The following HACE1 variants were observed in gnomAD, a reference collection of about 807,000 sequenced individuals.
The protein encoded by HACE1 is HECT domain and ankyrin repeat containing E3 ubiquitin protein ligase 1, also known as E3 ubiquitin-protein ligase HACE1.
HACE1 carries 73 observed loss-of-function variants against 118.4 expected under a neutral mutation model. The observed-to-expected ratio is 0.62, with a 90% confidence interval of 0.51 to 0.75. The LOEUF (loss-of-function observed/expected upper bound fraction) is 0.75, where lower values mean the gene tolerates loss of function less well. HACE1 is among the 30% of genes least tolerant of loss of function. The pLI is 0.00. For missense variants in HACE1, 749 were observed against 1,102.2 expected, an observed-to-expected ratio of 0.68 and a Z score of 4.54; for synonymous variants, 368 against 374.8, an observed-to-expected ratio of 0.98 and a Z score of 0.21.
At chr6:104,844,940 A>G (rs1562498181) in intron 4 of HACE1, among the ~76,000 whole-genome samples, 1 of 152,180 alleles carries the variant, frequency 6.6e-6, no homozygotes, top group Non-Finnish European at 1.5e-5. Flanking sequence ...CTGGGATTAC[A>G]GGCGTGAGCC....
intron 7 of HACE1, among the ~76,000 whole-genome samples, chr6:104,807,337 T>C (rs1771121307): frequency 6.6e-6 from 1 of 152,206 alleles, no homozygotes; most frequent in Admixed American, 6.5e-5. Flanking sequence ...TAAGAACTCT[T>C]TTATATGGCT....
chr6:104,845,452 G>A (rs1485707909), intron 4 of HACE1, among the ~76,000 whole-genome samples: 1 of 147,696 alleles, frequency 6.8e-6, no homozygotes, highest in African/African-American at 2.5e-5. Context: ...CAAAGAAACT[G>A]AAGAAAATAA....
At chr6:104,733,996 T>A (rs1775506441) in intron 22 of HACE1, among the ~76,000 whole-genome samples, 1 of 150,798 alleles carries the variant, frequency 6.6e-6, no homozygotes, top group Non-Finnish European at 1.5e-5. Flanking sequence ...TTACTAAAAA[T>A]ACAAAATTAG....
intron 22 of HACE1, among the ~76,000 whole-genome samples, chr6:104,732,814 A>C (rs1007882882): frequency 2.6e-5 from 4 of 152,230 alleles, no homozygotes; most frequent in African/African-American, 9.6e-5. Flanking sequence ...AATATGAAAG[A>C]ATCCCTAAAA....
chr6:104,850,865 T>C (rs1776135606), intron 3 of HACE1, 42 bp downstream of exon 3: 7 of 1,136,144 alleles, frequency 6.2e-6, no homozygotes, highest in East Asian at 2.3e-5. Context: ...TACTGATCCT[T>C]GCCCTAGATC....
intron 19 of HACE1, chr6:104,766,742 C>T (rs1352319623): frequency 6.6e-6 from 1 of 152,158 alleles, no homozygotes; most frequent in East Asian, 1.9e-4. Context: ...AATAAGAAAA[C>T]ATCAGTTACA....
intron 21 of HACE1, 95 bp downstream of exon 21, chr6:104,744,417 G>A: frequency 9.5e-6 from 8 of 840,406 alleles, no homozygotes; most frequent in Non-Finnish European, 1.7e-5. Context: ...ACTTTACTTT[G>A]TTAATTAATG....
Position 104,859,676 on chromosome 6 carries a change from G to A in HACE1, c.-34C>T. ...CGCCCTCCGCGATCCTCCGCGATCA[G>A]CCGCCCCACCGGCGGCCTCCGCGCC... On this transcript the variant is annotated 5_prime_UTR_variant, in exon 1 of 24. Coordinates refer to ENST00000262903, the MANE Select transcript of HACE1 (RefSeq NM_020771.4). 6.6e-7 allele frequency: 1 copy of A among 1,519,602 alleles called. No individual in the cohort carries two copies. Among genetic ancestry groups the A allele is most frequent in the Middle Eastern group, 1.9e-4 (1 of 5,378 alleles). The allele number at this position is 1,519,602 out of a possible 1,614,324, so 94.1% of individuals were successfully genotyped here. A position where few individuals can be genotyped will look rare whatever the true frequency, so the allele number is the denominator to read the frequency against.
chr6:104,762,330 G>A (rs983150760), intron 19 of HACE1, among the ~76,000 whole-genome samples: 8 of 152,124 alleles, frequency 5.3e-5, no homozygotes, highest in Non-Finnish European at 8.8e-5. Context: ...CTGGATTAAG[G>A]AAATGTGGCA....
intron 1 of HACE1, among the ~76,000 whole-genome samples, chr6:104,855,587 T>G (rs1776643883): frequency 6.6e-6 from 1 of 152,198 alleles, no homozygotes; most frequent in Non-Finnish European, 1.5e-5. Flanking sequence ...CTCTTATATT[T>G]CTTTTTTTAA....
At chr6:104,826,171 C>G (rs1415379760) in intron 6 of HACE1, among the ~76,000 whole-genome samples, 1 of 152,216 alleles carries the variant, frequency 6.6e-6, no homozygotes, top group African/African-American at 2.4e-5. Context: ...AAACCATCCC[C>G]TCGATTTCTG....
At chr6:104,799,874 C>T (rs1023741707) in intron 7 of HACE1, among the ~76,000 whole-genome samples, 1 of 145,856 alleles carries the variant, frequency 6.9e-6, no homozygotes, top group Non-Finnish European at 1.5e-5. Context: ...CTCATTGGGA[C>T]TGGTTGGACA....
At chr6:104,771,099 G>T in intron 19 of HACE1, 94 bp downstream of exon 19, 1 of 873,232 alleles carries the variant, frequency 1.1e-6, no homozygotes. Context: ...AATAGTAAAA[G>T]TTTTTCTACA....
chr6:104,849,444 C>T (rs1406580436), intron 3 of HACE1, among the ~76,000 whole-genome samples, 198 bp from the exon 4 acceptor site: 1 of 152,112 alleles, frequency 6.6e-6, no homozygotes, highest in Non-Finnish European at 1.5e-5. Flanking sequence ...TCAAGCAATC[C>T]TCCCACCTCA....
intron 5 of HACE1, among the ~76,000 whole-genome samples, chr6:104,837,753 T>C (rs994414801): frequency 2.6e-5 from 4 of 152,146 alleles, no homozygotes; most frequent in African/African-American, 9.7e-5. Flanking sequence ...ATAACGGACA[T>C]TCATATTAGA....
At chr6:104,747,349 C>G (rs779198302) in intron 20 of HACE1, among the ~76,000 whole-genome samples, 1 of 152,072 alleles carries the variant, frequency 6.6e-6, no homozygotes, top group Non-Finnish European at 1.5e-5. Context: ...TTGATGCCTT[C>G]TGTCTACAAT....
intron 5 of HACE1, among the ~76,000 whole-genome samples, chr6:104,835,070 G>A (rs1259208908): frequency 2.6e-5 from 4 of 152,210 alleles, no homozygotes; most frequent in Non-Finnish European, 5.9e-5. Flanking sequence ...CACGCAGACT[G>A]TTAACATCTT....
intron 17 of HACE1, among the ~76,000 whole-genome samples, chr6:104,773,715 C>G (rs1780875145): frequency 6.6e-6 from 1 of 151,064 alleles, no homozygotes; most frequent in Non-Finnish European, 1.5e-5. Flanking sequence ...AATTCCTTCT[C>G]TAATTACTTT....
At chr6:104,744,024 T>C in intron 22 of HACE1, 136 bp downstream of exon 22, 1 of 645,612 alleles carries the variant, frequency 1.5e-6, no homozygotes, top group Non-Finnish European at 2.8e-6. Flanking sequence ...AAATCTTTCT[T>C]TAATACCTAA....
Sources: allele counts gnomAD v4.1 joint callset (sites outside exome capture counted in the v4.1 genomes callset), GRCh38; gene constraint gnomAD v4.1.1; transcripts MANE v1.5; gene names NCBI Gene and HGNC (gene_info 2026-07-23, HGNC 2026-07-21).